FIG4: variants seen among roughly 807,000 people sequenced by gnomAD.
The protein encoded by FIG4 is FIG4 phosphoinositide 5-phosphatase, also known as polyphosphoinositide phosphatase.
In FIG4, 112 loss-of-function variants were observed where a neutral mutation model predicts 118.6. The ratio of observed to expected loss-of-function variants is 0.94; its 90% CI spans 0.81 to 1.11. The LOEUF (loss-of-function observed/expected upper bound fraction) is 1.11. Among genes scored for constraint, FIG4 ranks in the 50% least tolerant of loss-of-function variants. The pLI is 0.00. For missense variants in FIG4, 969 were observed against 1,111.7 expected, an observed-to-expected ratio of 0.87 and a Z score of 1.83; for synonymous variants, 369 against 381.2, an observed-to-expected ratio of 0.97 and a Z score of 0.37.
intron 10 of FIG4, among the ~76,000 whole-genome samples, chr6:109,745,600 T>C (rs951455463): frequency 6.6e-6 from 1 of 152,196 alleles, no homozygotes; most frequent in Non-Finnish European, 1.5e-5. Flanking sequence ...GCCTGTTTAC[T>C]CTGATGATAG....
intron 10 of FIG4, among the ~76,000 whole-genome samples, chr6:109,746,855 A>C (rs1776516107): frequency 6.6e-6 from 1 of 152,140 alleles, no homozygotes; most frequent in Non-Finnish European, 1.5e-5. Flanking sequence ...ATTATGCCTT[A>C]AACCAGGGTG....
At chr6:109,807,141 G>A (rs150000065) in intron 22 of FIG4, among the ~76,000 whole-genome samples, 86 of 152,230 alleles carry the variant, frequency 5.6e-4, no homozygotes, top group African/African-American at 1.9e-3. Context: ...GGGATTGCTG[G>A]GTCAAATGGC....
intron 17 of FIG4, chr6:109,785,784 T>C (rs1055428930): frequency 2.2e-6 from 1 of 454,474 alleles, no homozygotes; most frequent in African/African-American, 2.0e-5. Flanking sequence ...GATTACAAAG[T>C]ATTTTTGGTT....
Position 109,716,585 on chromosome 6 carries a change from C to G in FIG4, c.289+17C>G. 6.2e-7 allele frequency: 1 copy of G among 1,613,246 alleles called. No individual in the cohort carries two copies. The highest frequency in any genetic ancestry group is 8.5e-7 in the Non-Finnish European group (1 of 1,179,444). On this transcript the variant is annotated intron_variant, in intron 3 of 22. Coordinates refer to ENST00000230124, the MANE Select transcript of FIG4 (RefSeq NM_014845.6). ...GTGTTGTGGGTAAGAAATCTGCCCCCCTTCTTACAATCTCTTGTTTTTTGT... is the reference window on the plus strand; with the variant it reads ...GTGTTGTGGGTAAGAAATCTGCCCCGCTTCTTACAATCTCTTGTTTTTTGT...
At chr6:109,733,086 C>G (rs1175470799) in intron 5 of FIG4, among the ~76,000 whole-genome samples, 1 of 152,042 alleles carries the variant, frequency 6.6e-6, no homozygotes, top group Non-Finnish European at 1.5e-5. Flanking sequence ...ATAGGAAGAA[C>G]TGTTGCAATA....
intron 22 of FIG4, among the ~76,000 whole-genome samples, chr6:109,804,296 GGTGA>G (rs1347252051): frequency 6.6e-6 from 1 of 152,126 alleles, no homozygotes; most frequent in African/African-American, 2.4e-5. Flanking sequence ...GTGTATGGAA[GGTGA>G]GTGGGAGGAT....
rs756709973 is a variant in FIG4, at chr6:109,727,114, G to A, written c.295G>A (p.Val99Ile). 5.6e-6 allele frequency: 9 copies of A among 1,609,648 alleles called. No homozygotes were observed. Among genetic ancestry groups the A allele is most frequent in the South Asian group, 3.3e-5 (3 of 90,992 alleles). The change falls in exon 4 of 23, where the codon GTC becomes ATC. Residue 99 changes from valine (V) to isoleucine (I), a missense_variant. Physicochemically the swap from Val to Ile is conservative, Grantham distance 29 (BLOSUM62 3). Around this residue, in one of 3 missense-constraint regions of FIG4, gnomAD observed 393 missense variants for 409.4 expected, o/e 0.96. Transcript: ENST00000230124. ...CTTTATTTTTTGTTGCATAGGTTTT[G>A]TCAGGTTCTTAGAAGGCTATTATAT... ...AVSAFGVVGF[V>I]RFLEGYYIVL...
intron 6 of FIG4, 99 bp downstream of exon 6, chr6:109,735,397 C>A: frequency 8.3e-7 from 1 of 1,201,312 alleles, no homozygotes; most frequent in Non-Finnish European, 1.2e-6. Flanking sequence ...GTCCATCCCT[C>A]TTTGCTGTTT....
At chr6:109,744,736 AC>A (rs1445545487) in intron 10 of FIG4, among the ~76,000 whole-genome samples, 1 of 151,914 alleles carries the variant, frequency 6.6e-6, no homozygotes, top group Non-Finnish European at 1.5e-5. Flanking sequence ...GGTTTGCTGC[AC>A]CCATCAACCC....
intron 3 of FIG4, among the ~76,000 whole-genome samples, chr6:109,720,735 C>T (rs186649022): frequency 1.3e-5 from 2 of 152,134 alleles, no homozygotes; most frequent in Admixed American, 6.5e-5. Context: ...TTTCACGGGC[C>T]GGTTCTGAAA....
At chr6:109,726,455 C>T (rs1269182575) in intron 3 of FIG4, among the ~76,000 whole-genome samples, 3 of 152,040 alleles carry the variant, frequency 2.0e-5, no homozygotes, top group Non-Finnish European at 4.4e-5. Flanking sequence ...TTCCATTGGT[C>T]TATATATCTG....
At chr6:109,761,597 G>T (rs1024273305) in intron 11 of FIG4, among the ~76,000 whole-genome samples, 1 of 152,180 alleles carries the variant, frequency 6.6e-6, no homozygotes, top group Non-Finnish European at 1.5e-5. Context: ...ATGTTGGCCA[G>T]TCTGGTCTCG....
chr6:109,767,685 A>G (rs984811048), intron 15 of FIG4, among the ~76,000 whole-genome samples: 1 of 152,164 alleles, frequency 6.6e-6, no homozygotes. Flanking sequence ...CCTGGCTAAC[A>G]TGGTGAAACC....
At chr6:109,792,754 T>TC in intron 21 of FIG4, 90 bp downstream of exon 21, 1 of 682,508 alleles carries the variant, frequency 1.5e-6, no homozygotes, top group Admixed American at 2.4e-5. Flanking sequence ...TTTTTTTTTT[T>TC]TGGAGACAAG....
At position 109,791,671 on chromosome 6, in the gene FIG4, CATT is replaced by C. The variant is rs546028812; in HGVS notation, c.2376+103_2376+105del. ...AAAGGCTGAGAGCAAGAAAATGTCACATTATCTCACTGTTGTGTTTGAGGCACT... is the reference window on the plus strand; with the variant it reads ...AAAGGCTGAGAGCAAGAAAATGTCACATCTCACTGTTGTGTTTGAGGCACT... On this transcript the variant is annotated intron_variant, in intron 20 of 22. Coordinates refer to ENST00000230124, the MANE Select transcript of FIG4 (RefSeq NM_014845.6). 137 of 968,740 alleles carry C rather than the reference CATT, an allele frequency of 1.4e-4. 3 individuals are homozygous for C. In the South Asian group the frequency reaches 1.8e-3, roughly 13 times the overall value. 60.0% of individuals were successfully genotyped at this position (968,740 alleles called of 1,614,324 possible).
intron 9 of FIG4, 83 bp from the exon 10 acceptor site, chr6:109,743,592 T>G: frequency 4.8e-6 from 5 of 1,042,642 alleles, no homozygotes; most frequent in Non-Finnish European, 7.4e-6. Context: ...GAATTGCATT[T>G]CTTTAAAAAA....
At chr6:109,718,681 C>G (rs754838393) in intron 3 of FIG4, among the ~76,000 whole-genome samples, 9 of 151,954 alleles carry the variant, frequency 5.9e-5, no homozygotes, top group Non-Finnish European at 1.2e-4. Flanking sequence ...TGAGAAGGCC[C>G]TTGAGGTTAC....
chr6:109,774,718 T>C (rs1777567963), intron 15 of FIG4, among the ~76,000 whole-genome samples: 2 of 152,186 alleles, frequency 1.3e-5, no homozygotes. Context: ...ATCCATTGGC[T>C]GTTTCTGTTT....
chr6:109,753,115 T>C (rs572178759), intron 10 of FIG4, among the ~76,000 whole-genome samples: 145 of 152,180 alleles, frequency 9.5e-4, no homozygotes, highest in Non-Finnish European at 1.6e-3. Context: ...CCATTGCTTG[T>C]TTTTGTCAGA....
Sources: allele counts gnomAD v4.1 joint callset (sites outside exome capture counted in the v4.1 genomes callset), GRCh38; gene constraint gnomAD v4.1.1; regional missense constraint gnomAD v4.1.1; transcripts MANE v1.5; gene names NCBI Gene and HGNC (gene_info 2026-07-23, HGNC 2026-07-21).